SPIDR: variants seen among roughly 807,000 people sequenced by gnomAD.
SPIDR encodes scaffold protein involved in DNA repair, also known as DNA repair-scaffolding protein.
A neutral mutation model predicts 104.6 loss-of-function variants in SPIDR; 93 were observed. The observed-to-expected ratio is 0.89, with a 90% CI of 0.75 to 1.06. The LOEUF is 1.06. SPIDR is among the 50% of genes least tolerant of loss of function. SPIDR has a pLI of 0.00. For synonymous variants in SPIDR, 431 were observed against 416.9 expected, an observed-to-expected ratio of 1.03 and a Z score of -0.41; for missense variants, 1,154 against 1,111.2, an observed-to-expected ratio of 1.04 and a Z score of -0.55.
chr8:47,509,348 G>A (rs1218754432), intron 8 of SPIDR, among the ~76,000 whole-genome samples: 2 of 152,142 alleles, frequency 1.3e-5, no homozygotes, highest in Non-Finnish European at 2.9e-5. Context: ...GTTACGAGGT[G>A]GGTAAGCAGG....
At chr8:47,363,670 A>G (rs2056613486) in intron 5 of SPIDR, among the ~76,000 whole-genome samples, 1 of 151,954 alleles carries the variant, frequency 6.6e-6, no homozygotes, top group Admixed American at 6.6e-5. Context: ...TATTTATGTT[A>G]TCGAAATGAT....
chr8:47,486,829 C>CT (rs1315200776), intron 8 of SPIDR, among the ~76,000 whole-genome samples: 1 of 152,132 alleles, frequency 6.6e-6, no homozygotes, highest in Non-Finnish European at 1.5e-5. Flanking sequence ...CAGGCCTGCC[C>CT]TAAAAGAGCT....
chr8:47,713,102 T>A, intron 15 of SPIDR: 8 of 1,150,886 alleles, frequency 7.0e-6, no homozygotes, highest in Non-Finnish European at 8.0e-6. Context: ...AATTGCCTGC[T>A]GGTGGCACCC....
intron 11 of SPIDR, among the ~76,000 whole-genome samples, chr8:47,676,920 A>G (rs1329796553): frequency 6.6e-6 from 1 of 152,236 alleles, no homozygotes; most frequent in Non-Finnish European, 1.5e-5. Flanking sequence ...CTCGCAGAAA[A>G]ACAGCATCAT....
At chr8:47,538,515 A>C (rs2087399098) in intron 8 of SPIDR, among the ~76,000 whole-genome samples, 1 of 152,092 alleles carries the variant, frequency 6.6e-6, no homozygotes, top group Non-Finnish European at 1.5e-5. Context: ...CTGCACCCCA[A>C]CCTAGACAAC....
chr8:47,529,718 T>C (rs1192856995), intron 8 of SPIDR, among the ~76,000 whole-genome samples: 1 of 152,138 alleles, frequency 6.6e-6, no homozygotes, highest in Non-Finnish European at 1.5e-5. Flanking sequence ...AACACATAAG[T>C]TTCTTTAAAA....
At chr8:47,698,232 T>A (rs112238591) in intron 11 of SPIDR, among the ~76,000 whole-genome samples, 4,707 of 152,344 alleles carry the variant, frequency 0.031, 138 homozygotes, top group Admixed American at 0.089. Context: ...GTTTGTTGCT[T>A]AAACATATTT....
At chr8:47,504,793 G>T (rs1223378322) in intron 8 of SPIDR, among the ~76,000 whole-genome samples, 1 of 152,134 alleles carries the variant, frequency 6.6e-6, no homozygotes, top group South Asian at 2.1e-4. Context: ...TTTGATGATA[G>T]TGACGTACAG....
intron 14 of SPIDR, among the ~76,000 whole-genome samples, chr8:47,710,655 A>G (rs2081738535): frequency 6.6e-6 from 1 of 151,832 alleles, no homozygotes; most frequent in Non-Finnish European, 1.5e-5. Flanking sequence ...TTTAGTAGAG[A>G]TGGGGTTTCT....
chr8:47,314,512 C>G (rs978535014), intron 5 of SPIDR, among the ~76,000 whole-genome samples: 2 of 152,122 alleles, frequency 1.3e-5, no homozygotes, highest in Admixed American at 6.6e-5. Context: ...GAAGGGGAAG[C>G]AAACATGTCC....
chr8:47,415,073 TTTTGTA>T (rs1431636918), intron 7 of SPIDR, among the ~76,000 whole-genome samples: 1 of 151,998 alleles, frequency 6.6e-6, no homozygotes, highest in African/African-American at 2.4e-5. Flanking sequence ...CTGGCTAATT[TTTTGTA>T]TTTTTAGTAC....
At chr8:47,270,611 T>C (rs1416027780) in intron 1 of SPIDR, among the ~76,000 whole-genome samples, 1 of 152,076 alleles carries the variant, frequency 6.6e-6, no homozygotes, top group African/African-American at 2.4e-5. Flanking sequence ...TTATATTCTT[T>C]GTTGTTTTTC....
chr8:47,690,426 T>G (rs1261559279), intron 11 of SPIDR, among the ~76,000 whole-genome samples: 1 of 150,602 alleles, frequency 6.6e-6, no homozygotes, highest in African/African-American at 2.4e-5. Context: ...AAGAGTTGAT[T>G]AGGAGGATTT....
chr8:47,404,585 T>A (rs1554666099), intron 6 of SPIDR, among the ~76,000 whole-genome samples: 1 of 152,060 alleles, frequency 6.6e-6, no homozygotes, highest in South Asian at 2.1e-4. Flanking sequence ...ATGCAGCCAA[T>A]AGACACATGA....
chr8:47,511,487 C>T (rs2082313979), intron 8 of SPIDR: 3 of 777,008 alleles, frequency 3.9e-6, no homozygotes, highest in Admixed American at 1.7e-5. Flanking sequence ...CACAGCTCTG[C>T]TGGCACCTCC....
At chr8:47,565,992 A>ATATATATATATATAT (rs1554802202) in intron 8 of SPIDR, among the ~76,000 whole-genome samples, 14 of 14,928 alleles carry the variant, frequency 9.4e-4, no homozygotes, top group Admixed American at 1.6e-3. Flanking sequence ...ATATATATAT[A>ATATATATATATATAT]TTTTTTTTTT....
Position 47,735,492 on chromosome 8 carries a change from G to GGGTGGTGGT in SPIDR, c.*53_*61dup. ...TGTGAACTTTGCAATGTGGCTGCAA[G>GGGTGGTGGT]GGTGGTGGTGGTGGTGGTGATTTGG... On this transcript the variant is annotated 3_prime_UTR_variant, in exon 20 of 20. Coordinates refer to ENST00000297423, the MANE Select transcript of SPIDR (RefSeq NM_001080394.4). The GGGTGGTGGT allele has an allele frequency of 6.2e-6, 10 of 1,613,726 alleles. No homozygotes were observed. Among genetic ancestry groups the GGGTGGTGGT allele is most frequent in the South Asian group, 5.5e-5 (5 of 91,066 alleles).
chr8:47,263,408 G>A (rs1411235762), intron 1 of SPIDR, among the ~76,000 whole-genome samples: 2 of 151,206 alleles, frequency 1.3e-5, no homozygotes, highest in Non-Finnish European at 2.9e-5. Context: ...TTTTTGAGAC[G>A]CAGTCTCGCT....
At chr8:47,434,225 G>A (rs1474345763) in intron 7 of SPIDR, among the ~76,000 whole-genome samples, 1 of 152,170 alleles carries the variant, frequency 6.6e-6, no homozygotes, top group Non-Finnish European at 1.5e-5. Flanking sequence ...CTGTCCACAT[G>A]GGAAGCAGAT....
Sources: gnomAD v4.1 joint callset for allele counts (sites outside exome capture counted in the v4.1 genomes callset) on GRCh38, gnomAD v4.1.1 for gene constraint, MANE v1.5 for transcripts, NCBI Gene and HGNC (gene_info 2026-07-23, HGNC 2026-07-21) for gene names.